Variants in ABLIM3 observed in about 807,000 individuals in gnomAD.
ABLIM3 encodes actin binding LIM protein family member 3.
Under a neutral mutation model 109.5 loss-of-function variants are expected in ABLIM3, and 61 were observed. The observed-to-expected ratio is 0.56, with a 90% CI of 0.45 to 0.69. The LOEUF (loss-of-function observed/expected upper bound fraction) is 0.69, where lower values mean the gene tolerates loss of function less well. ABLIM3 is among the 30% of genes least tolerant of loss of function. ABLIM3 has a pLI of 0.00. For missense variants in ABLIM3, 796 were observed against 889.5 expected (o/e 0.89, Z 1.34); for synonymous variants, 300 against 324.8 (o/e 0.92, Z 0.82).
intron 3 of ABLIM3, among the ~76,000 whole-genome samples, chr5:149,183,847 T>C (rs1402141183): frequency 1.3e-5 from 2 of 152,140 alleles, no homozygotes; most frequent in Non-Finnish European, 2.9e-5. Context: ...AATCTGCAAG[T>C]TTAACTTACT....
intron 8 of ABLIM3, among the ~76,000 whole-genome samples, chr5:149,224,478 C>G (rs1266361048): frequency 1.3e-5 from 2 of 152,192 alleles, no homozygotes; most frequent in African/African-American, 4.8e-5. Context: ...TGCCCTTGTC[C>G]CTGGGCACAA....
In ABLIM3 at chr5:149,147,069, T is replaced by TTCTCTCTC. The variant is rs200724498; in HGVS notation, c.13+4974_13+4981dup. On this transcript the variant is annotated intron_variant, in intron 2 of 23. Transcript: ENST00000309868. The stretch of plus-strand genomic sequence containing the variant: ...ATATTCCTAGGGTTTCTCTCTCTCT[T>TTCTCTCTC]TCTCTCTCTCTCTCTCTCTCGCTCG... Among the ~76,000 whole-genome samples, 544 of 148,736 alleles carry TTCTCTCTC rather than the reference T, an allele frequency of 3.7e-3. 6 individuals are homozygous for TTCTCTCTC. The East Asian group carries it at 0.045, about 12-fold the overall frequency.
intron 8 of ABLIM3, among the ~76,000 whole-genome samples, chr5:149,227,843 TC>T (rs1473193090): frequency 6.6e-6 from 1 of 152,254 alleles, no homozygotes; most frequent in Non-Finnish European, 1.5e-5. Flanking sequence ...ATGCCATGTT[TC>T]TTTTGTTTAT....
chr5:149,175,876 C>G (rs1488960742), intron 2 of ABLIM3, among the ~76,000 whole-genome samples: 1 of 152,116 alleles, frequency 6.6e-6, no homozygotes, highest in Admixed American at 6.5e-5. Flanking sequence ...CATGTCCTGA[C>G]AACACGTTTC....
chr5:149,203,246 T>G (rs1448521221), intron 5 of ABLIM3, among the ~76,000 whole-genome samples: 1 of 151,186 alleles, frequency 6.6e-6, no homozygotes, highest in Non-Finnish European at 1.5e-5. Flanking sequence ...ACCACCATCA[T>G]CACCACCAAC....
rs1026815245 is a variant in ABLIM3, at chr5:149,216,821, C to T, written c.670-138C>T. The T allele has an allele frequency of 1.1e-5, 8 of 719,086 alleles. No individual in the cohort carries two copies. The African/African-American group carries it at 1.2e-4, about 11-fold the overall frequency. The allele number at this position is 719,086 out of a possible 1,614,324, so 44.5% of individuals were successfully genotyped here. On this transcript the variant is annotated intron_variant, in intron 7 of 23. Coordinates refer to ENST00000309868, the MANE Select transcript of ABLIM3 (RefSeq NM_014945.5). ...GGTCTTTTAGATGGTTGTGGACTCC[C>T]TTGGGTAGCTCCAACCAACTTTAGG...
chr5:149,249,648 T>G (rs766344001), intron 18 of ABLIM3, among the ~76,000 whole-genome samples, 167 bp from the exon 19 acceptor site: 5 of 152,096 alleles, frequency 3.3e-5, no homozygotes, highest in Non-Finnish European at 7.4e-5. Flanking sequence ...GGGGTGCAAG[T>G]GCAACAATTA....
chr5:149,195,122 A>G (rs547005196), intron 3 of ABLIM3, among the ~76,000 whole-genome samples: 1 of 152,142 alleles, frequency 6.6e-6, no homozygotes, highest in Admixed American at 6.5e-5. Context: ...TCTGTTCTAG[A>G]TGTGTCCTCA....
At chr5:149,162,520 T>C (rs1754463806) in intron 2 of ABLIM3, among the ~76,000 whole-genome samples, 1 of 152,202 alleles carries the variant, frequency 6.6e-6, no homozygotes, top group Non-Finnish European at 1.5e-5. Flanking sequence ...GCTTCTTCTC[T>C]TTGTGTCTGG....
intron 23 of ABLIM3, among the ~76,000 whole-genome samples, chr5:149,253,669 C>G (rs1236440428): frequency 6.6e-6 from 1 of 152,254 alleles, no homozygotes; most frequent in South Asian, 2.1e-4. Context: ...GAGAGGAGAA[C>G]AGCATAAATA....
At chr5:149,149,644 G>C (rs1352140831) in intron 2 of ABLIM3, among the ~76,000 whole-genome samples, 1 of 152,122 alleles carries the variant, frequency 6.6e-6, no homozygotes, top group East Asian at 1.9e-4. Flanking sequence ...CTAGAAATAA[G>C]GGGAAAAATC....
chr5:149,147,816 A>T (rs1580978185), intron 2 of ABLIM3, among the ~76,000 whole-genome samples: 1 of 152,172 alleles, frequency 6.6e-6, no homozygotes, highest in East Asian at 1.9e-4. Context: ...AATGAAAATG[A>T]TGAGGCATAC....
rs546005887 is a variant in ABLIM3, at chr5:149,247,556, T to C, written c.1552-226T>C. 7.9e-5 allele frequency: 55 copies of C among 696,116 alleles called. No homozygotes were observed. In the African/African-American group the frequency reaches 9.1e-4, roughly 12 times the overall value. The allele number at this position is 696,116 out of a possible 1,614,324, so 43.1% of individuals were successfully genotyped here. A position where few individuals can be genotyped will look rare whatever the true frequency, so the allele number is the denominator to read the frequency against. On this transcript the variant is annotated intron_variant, in intron 17 of 23. Transcript: ENST00000309868. ...CCTGTCACTGGCCAGGCTTGCTTTT[T>C]TGTGCCCACCACCAGACCCCCACCC...
chr5:149,229,597 G>A lies in ABLIM3; in HGVS notation c.758-1052G>A, dbSNP rs190684705. Among the ~76,000 whole-genome samples the A allele has an allele frequency of 1.6e-4, 24 of 152,310 alleles. No individual in the cohort carries two copies. The South Asian group carries it at 4.6e-3, about 29-fold the overall frequency. ...GGTCCTGGGGGTTCCAGGCAACAAAGCATAATATAAAGTATATCCTAGAGA... is the reference window on the plus strand; with the variant it reads ...GGTCCTGGGGGTTCCAGGCAACAAAACATAATATAAAGTATATCCTAGAGA... On this transcript the variant is annotated intron_variant, in intron 8 of 23. Coordinates refer to ENST00000309868, the MANE Select transcript of ABLIM3 (RefSeq NM_014945.5).
At position 149,258,335 on chromosome 5, in the gene ABLIM3, C is replaced by T. The variant is rs754473133; in HGVS notation, c.1983C>T (p.Thr661=). ...AGTTCTACCAAGTCTTTGGCATGAC[C>T]ATCTCTGAGTTTGACCGGCTGGCCC... The part of the protein sequence containing the change: ...QEEFYQVFGM[T]ISEFDRLALW... The change falls in exon 24 of 24, where the codon ACC becomes ACT. Residue 661 remains threonine (T), a synonymous_variant. Transcript: ENST00000309868. 29 of 1,613,966 alleles carry T rather than the reference C, an allele frequency of 1.8e-5. 1 individual carries two copies. In the Admixed American group the frequency reaches 4.8e-4, roughly 27 times the overall value.
rs1752615514 is a variant in ABLIM3, at chr5:149,239,832, G to A, written c.1148G>A (p.Ser383Asn). ...SPGYIDSPTY[S>N]RQGMSPTFSR... ...GGGTACATAGACTCCCCCACCTACAGCCGGCAGGGCATGTCCCCCACCTTC... is the reference window on the plus strand; with the variant it reads ...GGGTACATAGACTCCCCCACCTACAACCGGCAGGGCATGTCCCCCACCTTC... Residue 383 changes from serine to asparagine, a missense_variant, in exon 13 of 24, where the codon AGC becomes AAC. Ser to Asn is a conservative substitution (Grantham distance 46). Coordinates refer to ENST00000309868, the MANE Select transcript of ABLIM3 (RefSeq NM_014945.5). 6.2e-7 allele frequency: 1 copy of A among 1,610,972 alleles called. No individual in the cohort carries two copies. The highest frequency in any genetic ancestry group is 8.5e-7 in the Non-Finnish European group (1 of 1,178,502).
chr5:149,249,837 T>G lies in ABLIM3; in HGVS notation c.1722T>G (p.Ala574=). The part of the protein sequence containing the change: ...LNGSPRSHYL[A]DSDPLISKSA... ...CAGCCCCTCGGTCGCACTACCTGGCTGACAGTGGTAAGTTCTACCTGCCCT... is the reference window on the plus strand; with the variant it reads ...CAGCCCCTCGGTCGCACTACCTGGCGGACAGTGGTAAGTTCTACCTGCCCT... The change falls in exon 19 of 24, where the codon GCT becomes GCG. Residue 574 remains alanine, a synonymous_variant. Transcript: ENST00000309868. The G allele has an allele frequency of 6.2e-7, 1 of 1,614,208 alleles. No homozygotes were observed.
chr5:149,165,930 AC>A (rs1391557662), intron 2 of ABLIM3, among the ~76,000 whole-genome samples: 2 of 152,054 alleles, frequency 1.3e-5, no homozygotes, highest in African/African-American at 4.8e-5. Flanking sequence ...AAAATCAAAA[AC>A]CCCTCAAAGG....
intron 8 of ABLIM3, chr5:149,219,881 A>G (rs990350337): frequency 6.6e-6 from 1 of 152,226 alleles, no homozygotes; most frequent in African/African-American, 2.4e-5. Context: ...TATCACTAGA[A>G]TAAACCACGT....
Sources: gnomAD v4.1 joint callset for allele counts (sites outside exome capture counted in the v4.1 genomes callset) on GRCh38, gnomAD v4.1.1 for gene constraint, MANE v1.5 for transcripts, NCBI Gene and HGNC (gene_info 2026-07-23, HGNC 2026-07-21) for gene names.